Variants in ALK observed in about 807,000 individuals in gnomAD.
The protein encoded by ALK is ALK receptor tyrosine kinase, also known as ALK tyrosine kinase receptor.
In ALK, 74 loss-of-function variants were observed where a neutral mutation model predicts 163.1. The observed-to-expected ratio is 0.45, with a 90% CI of 0.38 to 0.55. The LOEUF (loss-of-function observed/expected upper bound fraction) is 0.55. Among genes scored for constraint, ALK ranks in the 20% least tolerant of loss-of-function variants. The probability of loss-of-function intolerance (pLI) is 0.00; values close to 1 mark genes in which losing one functional copy is unlikely to be tolerated. For synonymous variants in ALK, 960 were observed against 843.2 expected (o/e 1.14, Z -2.40); for missense variants, 2,063 against 2,105.3 (o/e 0.98, Z 0.39).
At chr2:29,396,838 T>TTTTTTTTTG (rs1333308569) in intron 4 of ALK, among the ~76,000 whole-genome samples, 2 of 124,910 alleles carry the variant, frequency 1.6e-5, no homozygotes, top group African/African-American at 6.4e-5. Context: ...TTACTATGGT[T>TTTTTTTTTG]TTTTTTTTTT....
Position 29,239,456 on chromosome 2 carries a change from T to C in ALK, c.2355+224A>G, listed in dbSNP as rs1159383571. Among the ~76,000 whole-genome samples the C allele has an allele frequency of 2.0e-5, 3 of 152,122 alleles. No individual in the cohort carries two copies. In the East Asian group the frequency reaches 5.8e-4, roughly 29 times the overall value. On this transcript the variant is annotated intron_variant, in intron 13 of 28. Transcript: ENST00000389048. ...TTCACCTGGCAGGGTGCTGAGTTCC[T>C]GCTAGGATGGCCAGCTCTGCCAGGT...
At chr2:29,771,534 C>CT (rs1032302276) in intron 1 of ALK, among the ~76,000 whole-genome samples, 59 of 148,948 alleles carry the variant, frequency 4.0e-4, no homozygotes, top group Admixed American at 4.7e-4. Flanking sequence ...GAATTCTTCT[C>CT]TTTTTTTTTT....
At chr2:29,472,441 C>A (rs183186549) in intron 4 of ALK, among the ~76,000 whole-genome samples, 1 of 152,212 alleles carries the variant, frequency 6.6e-6, no homozygotes, top group Admixed American at 6.5e-5. Flanking sequence ...CTTCCTCAAT[C>A]TGACAAATGG....
At chr2:29,705,280 T>TATATATAA (rs1553349839) in intron 2 of ALK, among the ~76,000 whole-genome samples, 1 of 34,224 alleles carries the variant, frequency 2.9e-5, no homozygotes, top group Non-Finnish European at 5.1e-5. Flanking sequence ...TATATATATA[T>TATATATAA]AAATATATAT....
intron 1 of ALK, among the ~76,000 whole-genome samples, chr2:29,914,310 G>A (rs984652505): frequency 6.6e-6 from 1 of 152,190 alleles, no homozygotes; most frequent in African/African-American, 2.4e-5. Context: ...TCTCTTAGGG[G>A]TAAGAAGCTA....
chr2:29,670,628 A>G (rs1424446853), intron 3 of ALK, among the ~76,000 whole-genome samples: 1 of 152,028 alleles, frequency 6.6e-6, no homozygotes, highest in Admixed American at 6.6e-5. Flanking sequence ...CTTCTTGAAC[A>G]CCAATAATTC....
chr2:29,817,977 C>G (rs1168492219), intron 1 of ALK, among the ~76,000 whole-genome samples: 1 of 152,180 alleles, frequency 6.6e-6, no homozygotes, highest in Non-Finnish European at 1.5e-5. Context: ...CAGTCCTCAT[C>G]AGGCCTGTGC....
intron 4 of ALK, among the ~76,000 whole-genome samples, chr2:29,491,553 T>C (rs940467247): frequency 5.3e-5 from 8 of 152,150 alleles, no homozygotes; most frequent in African/African-American, 1.7e-4. Flanking sequence ...GATTCTAAAA[T>C]TGATGTTGAA....
At chr2:29,530,622 T>C (rs1248218065) in intron 4 of ALK, among the ~76,000 whole-genome samples, 1 of 152,232 alleles carries the variant, frequency 6.6e-6, no homozygotes, top group African/African-American at 2.4e-5. Flanking sequence ...GGATGGCACA[T>C]AGCCCTGCCC....
chr2:29,316,606 G>A (rs1666843063), intron 8 of ALK, among the ~76,000 whole-genome samples: 1 of 151,992 alleles, frequency 6.6e-6, no homozygotes, highest in African/African-American at 2.4e-5. Context: ...TGCTCTTAAG[G>A]ATCCTCCCGT....
intron 4 of ALK, among the ~76,000 whole-genome samples, chr2:29,425,474 T>C (rs972893872): frequency 3.3e-5 from 5 of 152,190 alleles, no homozygotes; most frequent in Admixed American, 1.3e-4. Flanking sequence ...TTCTCCCTCA[T>C]AGAGTGGAGT....
chr2:29,338,156 GTGTCCTCATGTCAC>G (rs1667681709), intron 5 of ALK, among the ~76,000 whole-genome samples: 1 of 152,178 alleles, frequency 6.6e-6, no homozygotes, highest in African/African-American at 2.4e-5. Flanking sequence ...GAACCTTTGG[GTGTCCTCATGTCAC>G]ACAGTAGAGA....
chr2:29,862,944 C>T (rs536009827), intron 1 of ALK, among the ~76,000 whole-genome samples: 1 of 152,150 alleles, frequency 6.6e-6, no homozygotes, highest in Admixed American at 6.5e-5. Context: ...AGCAAGAGAG[C>T]CCAGAAATAA....
intron 4 of ALK, among the ~76,000 whole-genome samples, chr2:29,419,563 G>T (rs1016933328): frequency 1.3e-5 from 2 of 151,426 alleles, no homozygotes; most frequent in Non-Finnish European, 1.5e-5. Context: ...AACCTGCCTG[G>T]CTGGAATGGA....
chr2:29,339,786 G>A (rs902425911), intron 5 of ALK, among the ~76,000 whole-genome samples: 3 of 152,144 alleles, frequency 2.0e-5, no homozygotes, highest in Non-Finnish European at 4.4e-5. Flanking sequence ...ATAAAGGATG[G>A]CACTAGGGTG....
At chr2:29,560,289 A>G (rs545553593) in intron 3 of ALK, among the ~76,000 whole-genome samples, 1 of 152,340 alleles carries the variant, frequency 6.6e-6, no homozygotes, top group African/African-American at 2.4e-5. Context: ...CCAAGGACTG[A>G]TACATGATAC....
intron 9 of ALK, among the ~76,000 whole-genome samples, chr2:29,292,409 T>A (rs1651027852): frequency 6.6e-6 from 1 of 152,196 alleles, no homozygotes; most frequent in African/African-American, 2.4e-5. Context: ...TAGGGGTATA[T>A]CTCTGCAAGA....
At chr2:29,895,634 T>C (rs1202856871) in intron 1 of ALK, among the ~76,000 whole-genome samples, 3 of 152,194 alleles carry the variant, frequency 2.0e-5, no homozygotes, top group East Asian at 1.9e-4. Context: ...TGATTGGCCA[T>C]AGTTTATTAT....
chr2:29,798,688 G>A (rs1664385070), intron 1 of ALK, among the ~76,000 whole-genome samples: 1 of 152,222 alleles, frequency 6.6e-6, no homozygotes, highest in Admixed American at 6.5e-5. Context: ...GACATCCAAA[G>A]GTAGGATGAT....
Sources: allele counts gnomAD v4.1 joint callset (sites outside exome capture counted in the v4.1 genomes callset), GRCh38; gene constraint gnomAD v4.1.1; transcripts MANE v1.5; gene names NCBI Gene and HGNC (gene_info 2026-07-23, HGNC 2026-07-21).